Variants in ARHGEF3 observed in about 807,000 individuals in gnomAD.
ARHGEF3 encodes the protein 59.8 kDA protein.
ARHGEF3 carries 28 observed loss-of-function variants against 63.2 expected under a neutral mutation model. The observed-to-expected ratio is 0.44, with a 90% CI of 0.33 to 0.61. ARHGEF3 has a LOEUF of 0.61. Among genes scored for constraint, ARHGEF3 ranks in the 20% least tolerant of loss-of-function variants. The probability of loss-of-function intolerance (pLI) is 0.03; values close to 1 mark genes in which losing one functional copy is unlikely to be tolerated. For synonymous variants in ARHGEF3, 266 were observed against 254.2 expected (o/e 1.05, Z -0.44); for missense variants, 533 against 659.3 (o/e 0.81, Z 2.10).
intron 4 of ARHGEF3, among the ~76,000 whole-genome samples, chr3:56,753,085 G>A (rs2034872563): frequency 6.6e-6 from 1 of 152,192 alleles, no homozygotes; most frequent in Non-Finnish European, 1.5e-5. Flanking sequence ...TTATATGATA[G>A]TATGCAATTG....
intron 3 of ARHGEF3, among the ~76,000 whole-genome samples, chr3:56,934,621 G>A (rs558494357): frequency 7.2e-5 from 11 of 152,338 alleles, no homozygotes; most frequent in Admixed American, 2.0e-4. Context: ...CAGCGGCTGC[G>A]GAGGGTGTAC....
intron 4 of ARHGEF3, among the ~76,000 whole-genome samples, chr3:56,813,226 A>G (rs2038138094): frequency 6.6e-6 from 1 of 152,252 alleles, no homozygotes; most frequent in African/African-American, 2.4e-5. Flanking sequence ...CACAACAGAT[A>G]GAACCACTTT....
intron 2 of ARHGEF3, among the ~76,000 whole-genome samples, chr3:57,007,755 C>T (rs1702523426): frequency 6.6e-6 from 1 of 152,146 alleles, no homozygotes; most frequent in South Asian, 2.1e-4. Flanking sequence ...TTAGGGCTCA[C>T]GCTGCAATAG....
intron 4 of ARHGEF3, among the ~76,000 whole-genome samples, chr3:56,875,127 C>T (rs546341800): frequency 7.2e-5 from 11 of 152,206 alleles, no homozygotes; most frequent in Admixed American, 2.0e-4. Context: ...CTATCCACTC[C>T]GTTTGCCTCA....
chr3:56,915,568 T>C (rs1450987823), intron 3 of ARHGEF3, among the ~76,000 whole-genome samples: 7 of 152,200 alleles, frequency 4.6e-5, no homozygotes, highest in Non-Finnish European at 7.3e-5. Context: ...ATAGGGAATG[T>C]AACCTTCAGA....
At chr3:56,949,386 G>A (rs533501122) in intron 3 of ARHGEF3, among the ~76,000 whole-genome samples, 11 of 151,886 alleles carry the variant, frequency 7.2e-5, no homozygotes, top group African/African-American at 1.7e-4. Flanking sequence ...AAACCCCATC[G>A]TCTCAGCCCA....
intron 4 of ARHGEF3, among the ~76,000 whole-genome samples, chr3:56,839,693 C>CA (rs1451799446): frequency 6.6e-6 from 1 of 152,158 alleles, no homozygotes; most frequent in Non-Finnish European, 1.5e-5. Flanking sequence ...GCCCTATCCC[C>CA]AAATCTCAAG....
intron 3 of ARHGEF3, among the ~76,000 whole-genome samples, chr3:56,919,051 G>A (rs754195993): frequency 2.6e-5 from 4 of 152,150 alleles, no homozygotes; most frequent in Non-Finnish European, 5.9e-5. Flanking sequence ...CAGGGGTCAG[G>A]TACCTGAAAG....
At chr3:56,975,689 A>G (rs1278163607) in intron 2 of ARHGEF3, 1 of 336,050 alleles carries the variant, frequency 3.0e-6, no homozygotes, top group Non-Finnish European at 5.8e-6. Flanking sequence ...GTTGATGAAC[A>G]GAGAAACAGA....
intron 2 of ARHGEF3, among the ~76,000 whole-genome samples, chr3:56,968,567 A>T (rs546911123): frequency 6.7e-6 from 1 of 148,696 alleles, no homozygotes; most frequent in Non-Finnish European, 1.5e-5. Context: ...GGGCTCAAGC[A>T]ATCCTCCTGC....
intron 3 of ARHGEF3, among the ~76,000 whole-genome samples, chr3:56,948,040 A>G (rs1699607285): frequency 6.6e-6 from 1 of 152,228 alleles, no homozygotes; most frequent in Non-Finnish European, 1.5e-5. Context: ...TGGGTACATA[A>G]CGAAATGAAG....
intron 4 of ARHGEF3, among the ~76,000 whole-genome samples, chr3:56,881,559 C>T (rs2040766700): frequency 6.6e-6 from 1 of 152,058 alleles, no homozygotes; most frequent in Admixed American, 6.5e-5. Flanking sequence ...TGTTCTGAAA[C>T]AAAGCCAAGG....
At chr3:56,856,189 C>T (rs919648241) in intron 4 of ARHGEF3, among the ~76,000 whole-genome samples, 1 of 151,966 alleles carries the variant, frequency 6.6e-6, no homozygotes, top group Non-Finnish European at 1.5e-5. Context: ...AGATACCAAG[C>T]CACATAAAAT....
intron 3 of ARHGEF3, among the ~76,000 whole-genome samples, chr3:56,896,854 CAT>C (rs1429078469): frequency 7.2e-5 from 11 of 152,196 alleles, no homozygotes; most frequent in African/African-American, 2.7e-4. Context: ...CCTCAGAAGA[CAT>C]GTGGCATTGG....
chr3:57,017,032 T>TCTCACACACACACACACACA (rs1221332567), intron 2 of ARHGEF3, among the ~76,000 whole-genome samples: 1 of 104,316 alleles, frequency 9.6e-6, no homozygotes, highest in Non-Finnish European at 2.0e-5. Flanking sequence ...TCTCTCTCTC[T>TCTCACACACACACACACACA]CACACACACA....
intron 2 of ARHGEF3, among the ~76,000 whole-genome samples, chr3:57,000,707 A>G (rs1337997652): frequency 6.6e-6 from 1 of 151,808 alleles, no homozygotes; most frequent in African/African-American, 2.4e-5. Context: ...AAATTTTTGT[A>G]TTTTTAGTAG....
At chr3:57,058,886 G>A (rs944804939) in intron 1 of ARHGEF3, among the ~76,000 whole-genome samples, 7 of 150,912 alleles carry the variant, frequency 4.6e-5, no homozygotes, top group South Asian at 2.1e-4. Flanking sequence ...GCAAACTATC[G>A]CAAGGACAAG....
chr3:56,742,346 A>T (rs2034090659), intron 7 of ARHGEF3, among the ~76,000 whole-genome samples: 1 of 152,170 alleles, frequency 6.6e-6, no homozygotes, highest in South Asian at 2.1e-4. Flanking sequence ...TTTGAGAAAA[A>T]TTTTTATCAA....
chr3:56,877,899 C>A (rs1048767497), intron 4 of ARHGEF3, among the ~76,000 whole-genome samples: 2 of 151,730 alleles, frequency 1.3e-5, no homozygotes, highest in African/African-American at 4.8e-5. Flanking sequence ...ATCTTTATAC[C>A]ATTTGTATGT....
Sources: gnomAD v4.1 joint callset for allele counts (sites outside exome capture counted in the v4.1 genomes callset) on GRCh38, gnomAD v4.1.1 for gene constraint, MANE v1.5 for transcripts, NCBI Gene and HGNC (gene_info 2026-07-23, HGNC 2026-07-21) for gene names.